The following PTPRJ variants were observed in gnomAD, a reference collection of about 807,000 sequenced individuals.
PTPRJ encodes protein tyrosine phosphatase receptor type J.
Under a neutral mutation model 141.3 loss-of-function variants are expected in PTPRJ, and 129 were observed. The observed-to-expected ratio is 0.91, with a 90% CI of 0.79 to 1.06. The LOEUF (loss-of-function observed/expected upper bound fraction) is 1.06, where lower values mean the gene tolerates loss of function less well. Among genes scored for constraint, PTPRJ ranks in the 50% least tolerant of loss-of-function variants. PTPRJ has a pLI of 0.00. For missense variants in PTPRJ, 1,601 were observed against 1,679.7 expected, an observed-to-expected ratio of 0.95 and a Z score of 0.82; for synonymous variants, 610 against 640.5, an observed-to-expected ratio of 0.95 and a Z score of 0.72.
intron 1 of PTPRJ, among the ~76,000 whole-genome samples, chr11:48,077,641 G>A (rs1162027198): frequency 3.3e-5 from 5 of 151,866 alleles, no homozygotes; most frequent in African/African-American, 1.2e-4. Context: ...ATTCACCCTC[G>A]GCCCTACCCC....
At position 48,105,613 on chromosome 11, in the gene PTPRJ, AC is replaced by A. The variant is rs1253092679; in HGVS notation, c.97-4442del. On this transcript the variant is annotated intron_variant, in intron 1 of 24. Coordinates refer to ENST00000418331, the MANE Select transcript of PTPRJ (RefSeq NM_002843.4). ...CTGATGAAAACAATGGCTCCACGAGACCCTCAAGTGCCAGAGCTCATGAGTG... is the reference window on the plus strand; with the variant it reads ...CTGATGAAAACAATGGCTCCACGAGACCTCAAGTGCCAGAGCTCATGAGTG... Among the ~76,000 whole-genome samples the A allele has an allele frequency of 2.6e-4, 40 of 152,078 alleles. 1 individual carries two copies. Among genetic ancestry groups the A allele is most frequent in the Admixed American group, 2.6e-3 (39 of 15,272 alleles).
chr11:48,145,249 TCCCA>T, intron 14 of PTPRJ, 125 bp downstream of exon 14: 1 of 1,347,248 alleles, frequency 7.4e-7, no homozygotes, highest in Non-Finnish European at 1.0e-6. Flanking sequence ...AGCTCTCCCC[TCCCA>T]GAGGTTGAGA....
chr11:48,046,914 T>A (rs56012048), intron 1 of PTPRJ, among the ~76,000 whole-genome samples: 11,185 of 55,830 alleles, frequency 0.2, 439 homozygotes, highest in Non-Finnish European at 0.24. Context: ...ATATATATAT[T>A]TTTTTTTTTT....
intron 13 of PTPRJ, 43 bp downstream of exon 13, chr11:48,144,928 G>A: frequency 2.5e-6 from 4 of 1,613,828 alleles, no homozygotes; most frequent in Non-Finnish European, 3.4e-6. Context: ...TGAGCCTCAT[G>A]AGCATAAAGC....
At chr11:48,040,624 T>C (rs1026670502) in intron 1 of PTPRJ, among the ~76,000 whole-genome samples, 3 of 151,126 alleles carry the variant, frequency 2.0e-5, no homozygotes, top group Admixed American at 6.6e-5. Context: ...TTTTTTTTTT[T>C]TTTTGAGACG....
intron 1 of PTPRJ, among the ~76,000 whole-genome samples, chr11:47,985,253 T>C (rs984035261): frequency 6.6e-6 from 1 of 152,084 alleles, no homozygotes; most frequent in South Asian, 2.1e-4. Context: ...GCTCAAGGGC[T>C]CCTCTCGTTT....
chr11:48,027,791 CAAAAAAAAAAAAAAAAAAAA>C (rs750153282), intron 1 of PTPRJ, among the ~76,000 whole-genome samples: 22 of 32,904 alleles, frequency 6.7e-4, no homozygotes, highest in Non-Finnish European at 1.0e-3. Flanking sequence ...ACTCTGTCTC[CAAAAAAAAAAAAAAAAAAAA>C]AAAAAAAAAA....
In PTPRJ at chr11:48,145,098, A is replaced by T; in HGVS notation, c.2885A>T (p.Asp962Val). Residue 962 changes from aspartate (D) to valine (V), a missense_variant, in exon 14 of 25, where the codon GAT (aspartate) becomes GTT (valine). Transcript: ENST00000418331. ...ESYVSFSRYS[D>V]AVSLPQDPGV... ...TATGTGTCCTTCAGTCGCTACTCAG[A>T]TGCTGTTTCCTTGCCCCAGGATCCA... The T allele has an allele frequency of 6.2e-7, 1 of 1,614,144 alleles. No individual in the cohort carries two copies. Among genetic ancestry groups the T allele is most frequent in the Non-Finnish European group, 8.5e-7 (1 of 1,180,016 alleles).
At chr11:48,013,138 T>C (rs1402255598) in intron 1 of PTPRJ, among the ~76,000 whole-genome samples, 2 of 148,992 alleles carry the variant, frequency 1.3e-5, no homozygotes, top group African/African-American at 4.9e-5. Context: ...CCATTCAAGA[T>C]GTCAAGCCCC....
At position 47,980,660 on chromosome 11, in the gene PTPRJ, C is replaced by G. The variant is rs1296678380; in HGVS notation, c.-253C>G. 1.0e-6 allele frequency: 1 copy of G among 985,786 alleles called. No homozygotes were observed. The highest frequency in any genetic ancestry group is 1.8e-5 in the African/African-American group (1 of 56,918). 61.1% of individuals were successfully genotyped at this position (985,786 alleles called of 1,614,324 possible). ...GGTGGGCGCCGCTCGCTCCGCCCCG[C>G]GAAGCCCCTGCGCGCTCAGGGACGC... On this transcript the variant is annotated 5_prime_UTR_variant, in exon 1 of 25. Coordinates refer to ENST00000418331, the MANE Select transcript of PTPRJ (RefSeq NM_002843.4).
chr11:48,160,664 A>G (rs1176800377), intron 22 of PTPRJ, among the ~76,000 whole-genome samples: 1 of 152,176 alleles, frequency 6.6e-6, no homozygotes, highest in Non-Finnish European at 1.5e-5. Flanking sequence ...TGTTTATATC[A>G]CAGGCCTAAA....
chr11:48,130,383 G>A, intron 7 of PTPRJ, 76 bp from the exon 8 acceptor site: 1 of 1,419,542 alleles, frequency 7.0e-7, no homozygotes, highest in Non-Finnish European at 9.6e-7. Context: ...TTTCATCTCA[G>A]TATTTTCTGA....
At chr11:48,127,717 G>A (rs780594853) in intron 6 of PTPRJ, 63 bp from the exon 7 acceptor site, 183 of 1,548,022 alleles carry the variant, frequency 1.2e-4, no homozygotes, top group Non-Finnish European at 1.5e-4. Flanking sequence ...ATGCCCTGAT[G>A]ACCTCTCCCT....
intron 10 of PTPRJ, among the ~76,000 whole-genome samples, chr11:48,137,625 G>T (rs1366616158): frequency 6.6e-6 from 1 of 152,170 alleles, no homozygotes; most frequent in Non-Finnish European, 1.5e-5. Flanking sequence ...AGCCAGCCAT[G>T]TGGATATCAG....
chr11:48,123,995 C>T lies in PTPRJ; in HGVS notation c.874+125C>T, dbSNP rs908940163. The T allele has an allele frequency of 6.8e-6, 8 of 1,169,296 alleles. No homozygotes were observed. In the African/African-American group the frequency reaches 1.1e-4, roughly 16 times the overall value. 72.4% of individuals were successfully genotyped at this position (1,169,296 alleles called of 1,614,324 possible). On this transcript the variant is annotated intron_variant, in intron 5 of 24. Coordinates refer to ENST00000418331, the MANE Select transcript of PTPRJ (RefSeq NM_002843.4). ...TAGAATTTATAAAGGGCTTTTCCTC[C>T]ACATTTTAGTTTGATCCCCCACCTG...
At position 47,980,927 on chromosome 11, in the gene PTPRJ, G is replaced by C. The variant is rs1354927655; in HGVS notation, c.15G>C (p.Ala5=). The part of the protein sequence containing the change: MKPA[A]REARLPPRSP... ...GCGCGCGGGGCATGAAGCCGGCGGC[G>C]CGGGAGGCGCGGCTGCCTCCGCGCT... The change falls in exon 1 of 25, where the codon GCG becomes GCC. Residue 5 remains alanine (A), a synonymous_variant. Coordinates refer to ENST00000418331, the MANE Select transcript of PTPRJ (RefSeq NM_002843.4). The C allele has an allele frequency of 3.4e-6, 4 of 1,181,072 alleles. No individual in the cohort carries two copies. The highest frequency in any genetic ancestry group is 4.2e-6 in the Non-Finnish European group (4 of 955,838). 73.2% of individuals were successfully genotyped at this position (1,181,072 alleles called of 1,614,324 possible). A position where few individuals can be genotyped will look rare whatever the true frequency, so the allele number is the denominator to read the frequency against.
chr11:48,046,923 T>A (rs1854421210), intron 1 of PTPRJ, among the ~76,000 whole-genome samples: 1 of 141,402 alleles, frequency 7.1e-6, no homozygotes, highest in Non-Finnish European at 1.5e-5. Flanking sequence ...TTTTTTTTTT[T>A]TTTTTTTTTT....
In PTPRJ at chr11:48,056,700, C is replaced by T. The variant is rs530179777; in HGVS notation, c.97-53358C>T. ...AGGTGTGGTGGCTCATGCCCGTAAT[C>T]CCAGCACTTTGGGAGGCCGAGGTAG... On this transcript the variant is annotated intron_variant, in intron 1 of 24. Coordinates refer to ENST00000418331, the MANE Select transcript of PTPRJ (RefSeq NM_002843.4). Among the ~76,000 whole-genome samples, 25 of 152,258 alleles carry T rather than the reference C, an allele frequency of 1.6e-4. No homozygotes were observed. In the South Asian group the frequency reaches 5.0e-3, roughly 30 times the overall value.
chr11:48,150,485 A>G (rs1857455613), intron 18 of PTPRJ, among the ~76,000 whole-genome samples: 1 of 152,206 alleles, frequency 6.6e-6, no homozygotes, highest in Non-Finnish European at 1.5e-5. Context: ...TCTACCTTGG[A>G]CTACTCCTGA....
Sources: gnomAD v4.1 joint callset for allele counts (sites outside exome capture counted in the v4.1 genomes callset) on GRCh38, gnomAD v4.1.1 for gene constraint, MANE v1.5 for transcripts, NCBI Gene and HGNC (gene_info 2026-07-23, HGNC 2026-07-21) for gene names.